DNMBP: variants seen among roughly 807,000 people sequenced by gnomAD.
DNMBP encodes dynamin-binding protein.
In DNMBP, 87 loss-of-function variants were observed where a neutral mutation model predicts 150.0. That is an observed-to-expected ratio of 0.58 (90% confidence interval 0.49 to 0.69). The LOEUF (loss-of-function observed/expected upper bound fraction) is 0.69, where lower values mean the gene tolerates loss of function less well. DNMBP is among the 30% of genes least tolerant of loss of function. The probability of loss-of-function intolerance (pLI) is 0.00; values close to 1 mark genes in which losing one functional copy is unlikely to be tolerated. For missense variants in DNMBP, 1,774 were observed against 1,949.0 expected (o/e 0.91, Z 1.69); for synonymous variants, 711 against 750.4 (o/e 0.95, Z 0.86).
Position 99,895,010 on chromosome 10 carries a change from C to A in DNMBP, c.3092G>T (p.Arg1031Leu). The change falls in exon 11 of 17, where the codon CGA becomes CTA. Residue 1031 changes from arginine to leucine, a missense_variant. This residue lies in a region of DNMBP where 1,430 missense variants were observed against 1,492.5 expected (regional missense o/e 0.96). Coordinates refer to ENST00000324109, the MANE Select transcript of DNMBP (RefSeq NM_015221.4). ...EVFEETEKNF[R>L]MQERLIKSFI... is the part of the protein sequence containing the mutation. ...AGACTTAATCAATCTTTCTTGCATTCGGAAGTTTTTTTCTGTTTCTTCAAA... is the reference window on the plus strand; with the variant it reads ...AGACTTAATCAATCTTTCTTGCATTAGGAAGTTTTTTTCTGTTTCTTCAAA... 6.2e-7 allele frequency: 1 copy of A among 1,613,546 alleles called. No individual in the cohort carries two copies. The highest frequency in any genetic ancestry group is 8.5e-7 in the Non-Finnish European group (1 of 1,179,812).
At chr10:99,887,093 ATT>A (rs77430741) in intron 12 of DNMBP, among the ~76,000 whole-genome samples, 2 of 145,226 alleles carry the variant, frequency 1.4e-5, no homozygotes, top group Non-Finnish European at 1.5e-5. Flanking sequence ...GGTAATACCC[ATT>A]TTTTTTTTTT....
chr10:99,898,581 G>A (rs1444929836), intron 8 of DNMBP, among the ~76,000 whole-genome samples, 162 bp downstream of exon 8: 1 of 152,134 alleles, frequency 6.6e-6, no homozygotes, highest in Non-Finnish European at 1.5e-5. Context: ...AAACAGATAA[G>A]TAAAGTGTTC....
At chr10:99,981,961 A>C (rs574717307) in intron 1 of DNMBP, among the ~76,000 whole-genome samples, 1 of 152,288 alleles carries the variant, frequency 6.6e-6, no homozygotes, top group East Asian at 1.9e-4. Context: ...CCTCTTCAGG[A>C]GCAGGGTGGC....
At chr10:99,987,327 C>A (rs762071920) in intron 1 of DNMBP, among the ~76,000 whole-genome samples, 22 of 152,038 alleles carry the variant, frequency 1.4e-4, no homozygotes, top group Non-Finnish European at 2.9e-4. Flanking sequence ...ATAGTGAGAT[C>A]TCATCTCCAC....
At chr10:100,003,149 A>T (rs1187335997) in intron 1 of DNMBP, among the ~76,000 whole-genome samples, 1 of 152,222 alleles carries the variant, frequency 6.6e-6, no homozygotes, top group Non-Finnish European at 1.5e-5. Flanking sequence ...CATTGAGACC[A>T]TCCTGGCTAT....
At position 99,996,602 on chromosome 10, in the gene DNMBP, T is replaced by C. The variant is rs201019935; in HGVS notation, c.-11+13236A>G. Among the ~76,000 whole-genome samples, 16 of 152,334 alleles carry C rather than the reference T, an allele frequency of 1.1e-4. No individual in the cohort carries two copies. The East Asian group carries it at 2.9e-3, about 27-fold the overall frequency. Reference sequence around the variant, plus strand: ...ATCAAAGCAAAATCCTTACTTAAAATAACCAGCTAGTAAAATAATAATAAA... The same window carrying C: ...ATCAAAGCAAAATCCTTACTTAAAACAACCAGCTAGTAAAATAATAATAAA... On this transcript the variant is annotated intron_variant, in intron 1 of 16. Coordinates refer to ENST00000324109, the MANE Select transcript of DNMBP (RefSeq NM_015221.4).
chr10:99,948,100 T>C (rs1202200048), intron 4 of DNMBP, among the ~76,000 whole-genome samples: 1 of 152,352 alleles, frequency 6.6e-6, no homozygotes, highest in East Asian at 1.9e-4. Flanking sequence ...AAAACAGCTC[T>C]TACAAAAAAC....
rs145083190 is a variant in DNMBP, at chr10:99,887,263, C to T, written c.3286-631G>A. ...AAAGAATTTTTCTCTTGGTTGGGAA[C>T]GGTGGCTCATGCCCATAATCCCAGC... is the stretch of plus-strand genomic sequence containing the variant. On this transcript the variant is annotated intron_variant, in intron 12 of 16. Coordinates refer to ENST00000324109, the MANE Select transcript of DNMBP (RefSeq NM_015221.4). Among the ~76,000 whole-genome samples, 380 of 152,208 alleles carry T rather than the reference C, an allele frequency of 2.5e-3. 4 individuals are homozygous for T. Among genetic ancestry groups the T allele is most frequent in the African/African-American group, 8.8e-3 (365 of 41,524 alleles).
At chr10:99,986,717 T>G (rs920266644) in intron 1 of DNMBP, among the ~76,000 whole-genome samples, 24 of 147,436 alleles carry the variant, frequency 1.6e-4, no homozygotes, top group African/African-American at 6.0e-4. Context: ...GGTTAGGACA[T>G]CCATACAGTA....
chr10:99,932,239 T>C (rs1203840457), intron 4 of DNMBP, among the ~76,000 whole-genome samples: 1 of 152,204 alleles, frequency 6.6e-6, no homozygotes, highest in African/African-American at 2.4e-5. Context: ...AACTGCCTTA[T>C]ATGCTTTGTT....
rs115480859 is a variant in DNMBP at position 99,955,425 on chromosome 10, C to T, written c.2049G>A (p.Arg683=). Residue 683 remains arginine, a synonymous_variant, in exon 4 of 17, where the codon AGG becomes AGA. Transcript: ENST00000324109. ...LEKEGPGHMG[R]SLDQTSPCPL... ...GGCATGGGGAGGTCTGGTCCAGACT[C>T]CTTCCCATATGACCAGGGCCCTCCT... 3 of 1,613,770 alleles carry T rather than the reference C, an allele frequency of 1.9e-6. No individual in the cohort carries two copies. In the African/African-American group the frequency reaches 4.0e-5, roughly 22 times the overall value.
intron 6 of DNMBP, among the ~76,000 whole-genome samples, chr10:99,900,455 G>A (rs570724591): frequency 9.2e-5 from 14 of 152,042 alleles, no homozygotes; most frequent in African/African-American, 3.4e-4. Flanking sequence ...TGGTAGAGAG[G>A]GGGTTTCGCC....
At chr10:99,991,835 G>A (rs543525962) in intron 1 of DNMBP, among the ~76,000 whole-genome samples, 5 of 151,038 alleles carry the variant, frequency 3.3e-5, no homozygotes, top group African/African-American at 9.7e-5. Flanking sequence ...GAACCCAGGA[G>A]GCGAAGTTTG....
rs375025326 is a variant in DNMBP, at chr10:99,996,443, C to G, written c.-11+13395G>C. On this transcript the variant is annotated intron_variant, in intron 1 of 16. Transcript: ENST00000324109. ...GCTGAGACACGAGGATCACTTGAAA[C>G]CAGGAGGCAGCGGTTGCAGTGAGCC... Among the ~76,000 whole-genome samples the G allele has an allele frequency of 8.0e-4, 122 of 152,318 alleles. 2 individuals are homozygous for G. The South Asian group carries it at 0.023, about 29-fold the overall frequency.
At chr10:99,879,593 A>G (rs2039331446) in intron 16 of DNMBP, among the ~76,000 whole-genome samples, 1 of 152,220 alleles carries the variant, frequency 6.6e-6, no homozygotes, top group East Asian at 1.9e-4. Flanking sequence ...ACCCAGTGAC[A>G]CAGAGGGGTC....
intron 4 of DNMBP, among the ~76,000 whole-genome samples, chr10:99,946,267 C>T (rs1241103882): frequency 6.6e-6 from 1 of 152,180 alleles, no homozygotes; most frequent in Non-Finnish European, 1.5e-5. Context: ...TCCAGAAATG[C>T]TTTTGAATAC....
intron 4 of DNMBP, among the ~76,000 whole-genome samples, chr10:99,936,590 C>A (rs2040234814): frequency 6.6e-6 from 1 of 151,316 alleles, no homozygotes; most frequent in Non-Finnish European, 1.5e-5. Flanking sequence ...TCACAGCTCA[C>A]TGCAGGCTCA....
chr10:99,969,278 T>G (rs2040651890), intron 2 of DNMBP, 41 bp from the exon 3 acceptor site: 2 of 1,610,814 alleles, frequency 1.2e-6, no homozygotes, highest in Non-Finnish European at 1.7e-6. Context: ...AATACTGAGA[T>G]TTCTTTTCCC....
intron 4 of DNMBP, chr10:99,929,488 A>C (rs544964522): frequency 6.8e-4 from 404 of 594,370 alleles, no homozygotes; most frequent in Non-Finnish European, 9.8e-4. Context: ...CTCAAGGTGC[A>C]CTTGATAAGA....
Sources: gnomAD v4.1 joint callset for allele counts (sites outside exome capture counted in the v4.1 genomes callset) on GRCh38, gnomAD v4.1.1 for gene constraint, gnomAD v4.1.1 regional missense constraint, MANE v1.5 for transcripts, NCBI Gene and HGNC (gene_info 2026-07-23, HGNC 2026-07-21) for gene names.